PDZD9: variants seen among roughly 807,000 people sequenced by gnomAD.
PDZD9 encodes the protein PDZ domain containing 9.
In PDZD9, 13 loss-of-function variants were observed where a neutral mutation model predicts 16.3. That is an observed-to-expected ratio of 0.80 (90% confidence interval 0.52 to 1.27). The LOEUF is 1.27. Among genes scored for constraint, PDZD9 ranks in the 50% most tolerant of loss-of-function variants. PDZD9 has a pLI of 0.00. For synonymous variants in PDZD9, 120 were observed against 111.0 expected (o/e 1.08, Z -0.51); for missense variants, 288 against 310.9 (o/e 0.93, Z 0.55).
downstream of PDZD9, among the ~76,000 whole-genome samples, chr16:21,979,597 A>C (rs1257424769): frequency 1.3e-5 from 2 of 152,178 alleles, no homozygotes; most frequent in Non-Finnish European, 2.9e-5. Flanking sequence ...GTACAGTAAA[A>C]ATACAGCACA....
Position 22,001,089 on chromosome 16 carries a change from A to T in PDZD9, c.-42T>A. 1 of 1,500,494 alleles carries T rather than the reference A, an allele frequency of 6.7e-7. No individual in the cohort carries two copies. The highest frequency in any genetic ancestry group is 2.2e-5 in the Admixed American group (1 of 45,794). 92.9% of individuals were successfully genotyped at this position (1,500,494 alleles called of 1,614,324 possible). A position where few individuals can be genotyped will look rare whatever the true frequency, so the allele number is the denominator to read the frequency against. On this transcript the variant is annotated 5_prime_UTR_variant, in exon 1 of 4. Transcript: ENST00000424898. ...GCAGCCCGGGAGGGCCTCCCGGAGC[A>T]GAGGCTGGAGTCAGTCCCAATGCCA...
At chr16:21,988,340 AAG>A (rs1013501213) in intron 3 of PDZD9, among the ~76,000 whole-genome samples, 5 of 152,054 alleles carry the variant, frequency 3.3e-5, no homozygotes, top group African/African-American at 7.2e-5. Flanking sequence ...TGACTCGGGA[AAG>A]AGGGGCACCA....
chr16:21,980,518 A>G (rs1481421784), downstream of PDZD9: 8 of 1,605,064 alleles, frequency 5.0e-6, 1 homozygote, highest in East Asian at 1.6e-4. Context: ...CTTGCTCTCT[A>G]AAACTGACTT....
chr16:22,000,405 G>T (rs542892059), intron 1 of PDZD9, among the ~76,000 whole-genome samples: 2 of 151,740 alleles, frequency 1.3e-5, no homozygotes, highest in South Asian at 4.2e-4. Context: ...GTGAGGAGCT[G>T]CAGTGGGGTG....
the PDZD9 span, among the ~76,000 whole-genome samples, chr16:21,971,001 T>TC: frequency 2.4e-4 from 37 of 152,196 alleles, no homozygotes; most frequent in African/African-American, 8.9e-4. Flanking sequence ...GCAGATATAT[T>TC]ATCTGCAAAT....
At chr16:21,969,040 T>C in the PDZD9 span, among the ~76,000 whole-genome samples, 3 of 152,218 alleles carry the variant, frequency 2.0e-5, no homozygotes, top group Admixed American at 6.5e-5. Context: ...AATATGTTTG[T>C]ATATGTGTAG....
At chr16:21,980,720 AC>A (rs1244700916), downstream of PDZD9, 1 of 1,612,154 alleles carries the variant, frequency 6.2e-7, no homozygotes, top group South Asian at 1.1e-5. Flanking sequence ...TGAAAACTTA[AC>A]GATTTAACAA....
At chr16:21,995,606 C>CT (rs535189004) in intron 2 of PDZD9, among the ~76,000 whole-genome samples, 7 of 150,768 alleles carry the variant, frequency 4.6e-5, no homozygotes, top group Admixed American at 6.6e-5. Flanking sequence ...ATGTCATATC[C>CT]TTTTTTTTTG....
the PDZD9 span, chr16:21,972,187 T>C: frequency 6.6e-7 from 1 of 1,517,632 alleles, no homozygotes; most frequent in Non-Finnish European, 9.0e-7. Context: ...GATATAATTC[T>C]GATAATCTAC....
chr16:21,986,506 C>T (rs942426774), intron 3 of PDZD9, among the ~76,000 whole-genome samples: 1 of 152,126 alleles, frequency 6.6e-6, no homozygotes, highest in Non-Finnish European at 1.5e-5. Context: ...GTGTAGGAGT[C>T]GCTGAGTAGG....
the PDZD9 span, among the ~76,000 whole-genome samples, chr16:21,974,793 G>T: frequency 1.3e-5 from 2 of 152,178 alleles, no homozygotes; most frequent in African/African-American, 4.8e-5. Context: ...TCTGAGAAAG[G>T]AATACTTGGG....
At chr16:21,977,181 G>A in the PDZD9 span, among the ~76,000 whole-genome samples, 2 of 152,046 alleles carry the variant, frequency 1.3e-5, no homozygotes, top group African/African-American at 2.4e-5. Context: ...GCAAGACACT[G>A]TCTTTACAAA....
downstream of PDZD9, chr16:21,980,573 T>C (rs766114324): frequency 6.2e-7 from 1 of 1,614,188 alleles, no homozygotes; most frequent in Non-Finnish European, 8.5e-7. Flanking sequence ...GGATACCTAA[T>C]GTCAGTGGAG....
At chr16:21,995,333 C>T (rs1597982236) in intron 2 of PDZD9, 1 of 437,904 alleles carries the variant, frequency 2.3e-6, no homozygotes, top group South Asian at 1.7e-5. Context: ...GCCAATTAAA[C>T]CTCTTTTCTT....
the PDZD9 span, chr16:21,976,091 C>A: frequency 1.0e-6 from 1 of 977,248 alleles, no homozygotes. Context: ...GTTTTTGCCT[C>A]AGTAAAGAAG....
At chr16:21,961,662 ATATATATT>A in the PDZD9 span, among the ~76,000 whole-genome samples, 2 of 98,324 alleles carry the variant, frequency 2.0e-5, no homozygotes, top group Non-Finnish European at 3.8e-5. Context: ...ATATATATAT[ATATATATT>A]TTAGACAGTC....
chr16:21,982,793 C>T (rs777925865), downstream of PDZD9, among the ~76,000 whole-genome samples: 14 of 151,852 alleles, frequency 9.2e-5, no homozygotes, highest in South Asian at 2.1e-4. Context: ...GGCGAAATCC[C>T]GTCTCTACTA....
chr16:21,988,420 G>A (rs937833560), intron 3 of PDZD9, among the ~76,000 whole-genome samples, 182 bp downstream of exon 3: 50 of 152,090 alleles, frequency 3.3e-4, no homozygotes, highest in East Asian at 2.3e-3. Flanking sequence ...TGACTTCATC[G>A]TGCTTTCTCA....
chr16:21,964,433 G>A, the PDZD9 span, among the ~76,000 whole-genome samples: 1 of 152,092 alleles, frequency 6.6e-6, no homozygotes, highest in African/African-American at 2.4e-5. Flanking sequence ...TATTATCTAT[G>A]GGATAAAGTC....
Sources: allele counts gnomAD v4.1 joint callset (sites outside exome capture counted in the v4.1 genomes callset), GRCh38; gene constraint gnomAD v4.1.1; transcripts MANE v1.5; gene names NCBI Gene and HGNC (gene_info 2026-07-23, HGNC 2026-07-21).